Variants in RAPGEF2 observed in about 807,000 individuals in gnomAD.
RAPGEF2 encodes the protein Rap guanine nucleotide exchange factor 2, also known as PDZ domain containing guanine nucleotide exchange factor (GEF) 1.
A neutral mutation model predicts 186.7 loss-of-function variants in RAPGEF2; 54 were observed. The ratio of observed to expected loss-of-function variants is 0.29; its 90% CI spans 0.23 to 0.36. The LOEUF (loss-of-function observed/expected upper bound fraction) is 0.36. RAPGEF2 is among the 10% of genes least tolerant of loss of function. The pLI is 1.00. For missense variants in RAPGEF2, 1,532 were observed against 2,045.0 expected, an observed-to-expected ratio of 0.75 and a Z score of 4.84; for synonymous variants, 712 against 705.9, an observed-to-expected ratio of 1.01 and a Z score of -0.14.
At chr4:159,244,707 G>A (rs1421093288) in intron 7 of RAPGEF2, among the ~76,000 whole-genome samples, 1 of 151,774 alleles carries the variant, frequency 6.6e-6, no homozygotes. Flanking sequence ...TATATCTTTG[G>A]CTATTAGAGT....
intron 1 of RAPGEF2, among the ~76,000 whole-genome samples, chr4:159,141,499 A>G (rs1408991061): frequency 1.3e-5 from 2 of 151,996 alleles, no homozygotes; most frequent in African/African-American, 2.4e-5. Context: ...CATTGTGTGT[A>G]TGTGTATGTG....
chr4:159,198,951 C>T (rs1000528033), intron 3 of RAPGEF2, among the ~76,000 whole-genome samples: 1 of 150,664 alleles, frequency 6.6e-6, no homozygotes, highest in African/African-American at 2.4e-5. Context: ...TGGCATGAGC[C>T]TGTAATTCCA....
chr4:159,235,826 C>T (rs959923673), intron 4 of RAPGEF2, among the ~76,000 whole-genome samples: 2 of 152,156 alleles, frequency 1.3e-5, no homozygotes, highest in Non-Finnish European at 1.5e-5. Flanking sequence ...GCAAAAGTAA[C>T]TTGTGGACTT....
chr4:159,187,130 C>CTA (rs1336743597), intron 2 of RAPGEF2, among the ~76,000 whole-genome samples: 1 of 152,196 alleles, frequency 6.6e-6, no homozygotes, highest in African/African-American at 2.4e-5. Flanking sequence ...CATCTAGGTC[C>CTA]TATACTAAGG....
rs77843942 is a variant in RAPGEF2, at chr4:159,282,764, G to T, written c.544-21578G>T. 773 of 353,972 alleles carry T rather than the reference G, an allele frequency of 2.2e-3. 7 individuals carry two copies. The highest frequency in any genetic ancestry group is 0.016 in the African/African-American group (715 of 45,938). The allele number at this position is 353,972 out of a possible 1,614,324, so 21.9% of individuals were successfully genotyped here. A position where few individuals can be genotyped will look rare whatever the true frequency, so the allele number is the denominator to read the frequency against. On this transcript the variant is annotated intron_variant, in intron 7 of 29. Transcript: ENST00000691494. ...TAGATTATAGAAGCATGGGATTTGG[G>T]GCTGTATTTAAATATGCCATTATAC...
At chr4:159,128,863 T>G (rs1207343813) in intron 1 of RAPGEF2, 1 of 145,738 alleles carries the variant, frequency 6.9e-6, no homozygotes, top group African/African-American at 2.5e-5. Context: ...TACATACATA[T>G]GGAAAGACTT....
chr4:159,307,863 C>T (rs1763494067), intron 8 of RAPGEF2, among the ~76,000 whole-genome samples: 2 of 152,036 alleles, frequency 1.3e-5, no homozygotes, highest in East Asian at 1.9e-4. Flanking sequence ...CCCAGCTACT[C>T]GGGAGGCTGA....
At chr4:159,240,475 A>G (rs950270236) in intron 5 of RAPGEF2, among the ~76,000 whole-genome samples, 2 of 151,602 alleles carry the variant, frequency 1.3e-5, no homozygotes, top group Admixed American at 6.6e-5. Context: ...CTGGGATTAC[A>G]GGCACGTGCC....
At chr4:159,278,671 G>T (rs1759255961) in intron 7 of RAPGEF2, among the ~76,000 whole-genome samples, 1 of 152,152 alleles carries the variant, frequency 6.6e-6, no homozygotes, top group Non-Finnish European at 1.5e-5. Context: ...TAGCATTGTG[G>T]TCAGAAAACT....
intron 1 of RAPGEF2, among the ~76,000 whole-genome samples, chr4:159,184,353 C>T (rs1330982590): frequency 6.6e-6 from 1 of 152,198 alleles, no homozygotes; most frequent in Non-Finnish European, 1.5e-5. Context: ...TTTAGAGTCC[C>T]ACCAACAGTG....
chr4:159,358,672 T>TA lies in RAPGEF2; in HGVS notation c.*545dup, dbSNP rs11337410. ...CCACTTGTTTACAATGTCCTCCTTT[T>TA]AAAAAAAAAAAATGAGTTTAAAGAT... On this transcript the variant is annotated 3_prime_UTR_variant, in exon 30 of 30. Transcript: ENST00000691494. 0.36 allele frequency: 54,479 copies of TA among 150,424 alleles called. 11,498 individuals carry two copies. The highest frequency in any genetic ancestry group is 0.89 in the East Asian group (4,560 of 5,120). The allele number at this position is 150,424 out of a possible 1,614,324, so 9.3% of individuals were successfully genotyped here.
intron 11 of RAPGEF2, chr4:159,326,853 T>G (rs1474525678): frequency 6.6e-6 from 1 of 152,290 alleles, no homozygotes; most frequent in African/African-American, 2.4e-5. Context: ...GCCTGTGTCT[T>G]AGGCCTGCCA....
In RAPGEF2 at chr4:159,358,172, C is replaced by T. The variant is rs915936288; in HGVS notation, c.*33C>T. 2 of 1,605,072 alleles carry T rather than the reference C, an allele frequency of 1.2e-6. No individual in the cohort carries two copies. The highest frequency in any genetic ancestry group is 1.7e-5 in the Admixed American group (1 of 59,126). ...ACTTTTCTGGAAGCAGAGCGAGCCA[C>T]CTGAAAGGAGAGCACAAGAAGACGT... On this transcript the variant is annotated 3_prime_UTR_variant, in exon 30 of 30. Coordinates refer to ENST00000691494, the MANE Select transcript of RAPGEF2 (RefSeq NM_001394067.2).
chr4:159,185,020 G>A (rs543539845), intron 1 of RAPGEF2, among the ~76,000 whole-genome samples: 1 of 152,058 alleles, frequency 6.6e-6, no homozygotes, highest in East Asian at 1.9e-4. Flanking sequence ...TCGAACAAAG[G>A]ATTTGAATAG....
chr4:159,107,820 A>G (rs1738043959), intron 1 of RAPGEF2, among the ~76,000 whole-genome samples: 1 of 152,358 alleles, frequency 6.6e-6, no homozygotes, highest in East Asian at 1.9e-4. Context: ...TTAACTTTCA[A>G]ATCTAATGGA....
intron 1 of RAPGEF2, among the ~76,000 whole-genome samples, chr4:159,179,841 G>A (rs1746827275): frequency 1.3e-5 from 2 of 152,096 alleles, no homozygotes; most frequent in Non-Finnish European, 2.9e-5. Flanking sequence ...ATTTCTCTTG[G>A]TTGTGCTGCC....
chr4:159,285,362 T>A (rs998571018), intron 7 of RAPGEF2, among the ~76,000 whole-genome samples: 2 of 152,216 alleles, frequency 1.3e-5, no homozygotes, highest in African/African-American at 4.8e-5. Flanking sequence ...TAATCTGAAT[T>A]CTATGAATTA....
intron 3 of RAPGEF2, among the ~76,000 whole-genome samples, chr4:159,206,403 CTAT>C (rs1025937731): frequency 5.9e-5 from 9 of 152,152 alleles, no homozygotes; most frequent in African/African-American, 1.9e-4. Context: ...ACCGTCTGTA[CTAT>C]TATTATTATT....
At chr4:159,157,305 A>G (rs1744231472) in intron 1 of RAPGEF2, among the ~76,000 whole-genome samples, 1 of 152,204 alleles carries the variant, frequency 6.6e-6, no homozygotes, top group Non-Finnish European at 1.5e-5. Flanking sequence ...TGATAGCAGT[A>G]AAAATGCTGG....
Sources: gnomAD v4.1 joint callset for allele counts (sites outside exome capture counted in the v4.1 genomes callset) on GRCh38, gnomAD v4.1.1 for gene constraint, MANE v1.5 for transcripts, NCBI Gene and HGNC (gene_info 2026-07-23, HGNC 2026-07-21) for gene names.